EBF1: variants seen among roughly 807,000 people sequenced by gnomAD.
EBF1 encodes transcription factor COE1.
Under a neutral mutation model 68.4 loss-of-function variants are expected in EBF1, and 10 were observed. The observed-to-expected ratio is 0.15, with a 90% confidence interval of 0.09 to 0.25. The LOEUF (loss-of-function observed/expected upper bound fraction) is 0.25. EBF1 is among the 10% of genes least tolerant of loss of function. The probability of loss-of-function intolerance (pLI) is 1.00; values close to 1 mark genes in which losing one functional copy is unlikely to be tolerated. For missense variants in EBF1, 509 were observed against 794.4 expected (o/e 0.64, Z 4.32); for synonymous variants, 298 against 299.8 (o/e 0.99, Z 0.06).
At chr5:158,939,595 C>G (rs751968931) in intron 6 of EBF1, among the ~76,000 whole-genome samples, 3 of 152,168 alleles carry the variant, frequency 2.0e-5, no homozygotes, top group Non-Finnish European at 1.5e-5. Context: ...ATTATGCACA[C>G]AGGGGAATGA....
At chr5:159,092,256 A>C (rs1206360274) in intron 4 of EBF1, among the ~76,000 whole-genome samples, 1 of 152,224 alleles carries the variant, frequency 6.6e-6, no homozygotes, top group African/African-American at 2.4e-5. Flanking sequence ...CAAAAACAGT[A>C]ATGACACGAA....
At chr5:158,805,095 T>C (rs2127773735) in intron 8 of EBF1, among the ~76,000 whole-genome samples, 1 of 152,220 alleles carries the variant, frequency 6.6e-6, no homozygotes, top group South Asian at 2.1e-4. Flanking sequence ...TAAGAAAAGT[T>C]TGGGAAATGA....
intron 10 of EBF1, among the ~76,000 whole-genome samples, chr5:158,770,578 C>G (rs1283710761): frequency 6.6e-6 from 1 of 152,154 alleles, no homozygotes; most frequent in Admixed American, 6.6e-5. Flanking sequence ...TTCTGTCTCA[C>G]AGTTCTCCTC....
intron 9 of EBF1, among the ~76,000 whole-genome samples, chr5:158,778,374 G>A (rs75452319): frequency 0.02 from 3,076 of 152,192 alleles, 116 homozygotes; most frequent in African/African-American, 0.07. Context: ...ACCTCTGATG[G>A]TGCTGGATTC....
At chr5:158,782,056 C>T (rs924694756) in intron 9 of EBF1, among the ~76,000 whole-genome samples, 11 of 152,144 alleles carry the variant, frequency 7.2e-5, no homozygotes, top group African/African-American at 2.4e-4. Context: ...TGTGGATACA[C>T]GAAAACACCA....
chr5:158,723,542 A>T (rs2127524624), intron 11 of EBF1, among the ~76,000 whole-genome samples: 1 of 152,260 alleles, frequency 6.6e-6, no homozygotes, highest in East Asian at 1.9e-4. Context: ...CTGGCAAAAT[A>T]TATGCATTCT....
At chr5:159,046,435 T>C (rs564404151) in intron 6 of EBF1, among the ~76,000 whole-genome samples, 1 of 152,186 alleles carries the variant, frequency 6.6e-6, no homozygotes. Context: ...AACATTCTAC[T>C]GTAACATAAG....
At chr5:159,042,339 C>A (rs1183318295) in intron 6 of EBF1, among the ~76,000 whole-genome samples, 1 of 152,122 alleles carries the variant, frequency 6.6e-6, no homozygotes, top group African/African-American at 2.4e-5. Flanking sequence ...CCAAAAAAAG[C>A]AAAATAAACA....
chr5:159,092,848 C>A (rs1256755481), intron 4 of EBF1, among the ~76,000 whole-genome samples: 3 of 152,002 alleles, frequency 2.0e-5, no homozygotes, highest in African/African-American at 7.3e-5. Flanking sequence ...TCATTCTGTA[C>A]TCTAAATAAT....
intron 6 of EBF1, among the ~76,000 whole-genome samples, chr5:158,844,609 T>A (rs1319563561): frequency 1.3e-5 from 2 of 152,226 alleles, no homozygotes; most frequent in East Asian, 3.8e-4. Context: ...TAGTAATGAA[T>A]ATCAGAGCTG....
chr5:158,712,179 G>A lies in EBF1; in HGVS notation c.1524C>T (p.Gly508=). 6.2e-7 allele frequency: 1 copy of A among 1,613,918 alleles called. No homozygotes were observed. The highest frequency in any genetic ancestry group is 2.2e-5 in the East Asian group (1 of 44,872). ...NLGGSPTFLN[G]SAANSPYAIV... is the part of the protein sequence containing the mutation. ...TGGCATAGGGGGAGTTGGCAGCTGA[G>A]CCGTTGAGGAAGGTGGGGGAGCCGC... is the stretch of plus-strand genomic sequence containing the variant. The change falls in exon 14 of 16, where the codon GGC becomes GGT. Residue 508 remains glycine (G), a synonymous_variant. Coordinates refer to ENST00000313708, the MANE Select transcript of EBF1 (RefSeq NM_024007.5).
At chr5:158,701,037 G>T (rs186869383) in intron 15 of EBF1, among the ~76,000 whole-genome samples, 1 of 152,172 alleles carries the variant, frequency 6.6e-6, no homozygotes, top group Admixed American at 6.5e-5. Flanking sequence ...GCAAGGAGGC[G>T]CAGGGGAGTC....
rs1361647717 is a variant in EBF1 at position 158,972,417 on chromosome 5, G to T, written c.554+100979C>A. Among the ~76,000 whole-genome samples, 3 of 152,302 alleles carry T rather than the reference G, an allele frequency of 2.0e-5. No individual in the cohort carries two copies. In the South Asian group the frequency reaches 6.2e-4, roughly 32 times the overall value. ...GGATAGATGTTTAATAAGTACAATG[G>T]ATCTGTTCCCAAAATGCATCTTTAT... is the stretch of plus-strand genomic sequence containing the variant. On this transcript the variant is annotated intron_variant, in intron 6 of 15. Transcript: ENST00000313708.
chr5:158,778,748 T>C (rs1256331888), intron 9 of EBF1, among the ~76,000 whole-genome samples: 1 of 152,156 alleles, frequency 6.6e-6, no homozygotes, highest in Non-Finnish European at 1.5e-5. Flanking sequence ...ATATCAAATG[T>C]TCCTTCTTGA....
At position 158,787,929 on chromosome 5, in the gene EBF1, T is replaced by G. The variant is rs150895108; in HGVS notation, c.909+8416A>C. Among the ~76,000 whole-genome samples, 233 of 152,316 alleles carry G rather than the reference T, an allele frequency of 1.5e-3. 1 individual carries two copies. The highest frequency in any genetic ancestry group is 5.3e-3 in the African/African-American group (221 of 41,580). ...TAAATATAAACTACCTACCCATACATGCATTAGCAAAACCTGGACCACAAT... is the reference window on the plus strand; with the variant it reads ...TAAATATAAACTACCTACCCATACAGGCATTAGCAAAACCTGGACCACAAT... On this transcript the variant is annotated intron_variant, in intron 9 of 15. Transcript: ENST00000313708.
chr5:159,068,714 A>G (rs1369060130), intron 6 of EBF1, among the ~76,000 whole-genome samples: 1 of 152,144 alleles, frequency 6.6e-6, no homozygotes, highest in Non-Finnish European at 1.5e-5. Flanking sequence ...TCATTACTGA[A>G]CATTCTATTT....
intron 7 of EBF1, among the ~76,000 whole-genome samples, chr5:158,835,438 T>C (rs1031818590): frequency 5.9e-5 from 9 of 152,330 alleles, no homozygotes; most frequent in South Asian, 2.1e-4. Context: ...TGGAAAAATG[T>C]TCATGTTTCC....
intron 9 of EBF1, among the ~76,000 whole-genome samples, chr5:158,782,168 CT>C (rs1776569576): frequency 6.6e-6 from 1 of 152,202 alleles, no homozygotes; most frequent in African/African-American, 2.4e-5. Context: ...TACGTTCCCT[CT>C]TCCAGTAAGT....
intron 14 of EBF1, 36 bp downstream of exon 14, chr5:158,712,118 A>C (rs1231393046): frequency 6.2e-7 from 1 of 1,608,056 alleles, no homozygotes; most frequent in Admixed American, 1.7e-5. Flanking sequence ...CTTCTAGCGA[A>C]ACGTGCAGGA....
Sources: allele counts gnomAD v4.1 joint callset (sites outside exome capture counted in the v4.1 genomes callset), GRCh38; gene constraint gnomAD v4.1.1; transcripts MANE v1.5; gene names NCBI Gene and HGNC (gene_info 2026-07-23, HGNC 2026-07-21).